Variants in ZSWIM2 observed in about 807,000 individuals in gnomAD.
ZSWIM2 encodes zinc finger SWIM-type containing 2.
In ZSWIM2, 38 loss-of-function variants were observed where a neutral mutation model predicts 48.4. The observed-to-expected ratio is 0.79, with a 90% CI of 0.61 to 1.03. ZSWIM2 has a LOEUF of 1.03. Among genes scored for constraint, ZSWIM2 ranks in the 50% least tolerant of loss-of-function variants. The pLI is 0.00. For synonymous variants in ZSWIM2, 240 were observed against 251.3 expected, an observed-to-expected ratio of 0.96 and a Z score of 0.42; for missense variants, 776 against 730.2, an observed-to-expected ratio of 1.06 and a Z score of -0.72.
chr2:186,846,839 C>A, intron 2 of ZSWIM2, among the ~76,000 whole-genome samples: 1 of 130,704 alleles, frequency 7.7e-6, no homozygotes, highest in African/African-American at 3.4e-5. Flanking sequence ...TGTAATAGAA[C>A]TCAGCCATAA....
intron 5 of ZSWIM2, among the ~76,000 whole-genome samples, chr2:186,835,029 CCT>C (rs1691769227): frequency 1.3e-5 from 2 of 152,146 alleles, no homozygotes; most frequent in African/African-American, 4.8e-5. Context: ...CTTTCATTTA[CCT>C]CTTTCTCTAC....
intron 7 of ZSWIM2, among the ~76,000 whole-genome samples, chr2:186,830,662 G>T (rs1253308830): frequency 6.6e-6 from 1 of 150,618 alleles, no homozygotes; most frequent in Non-Finnish European, 1.5e-5. Flanking sequence ...TTCATCTGGG[G>T]TATATTCTTA....
chr2:186,834,741 T>C (rs2105817711), intron 5 of ZSWIM2, among the ~76,000 whole-genome samples: 1 of 152,278 alleles, frequency 6.6e-6, no homozygotes, highest in East Asian at 1.9e-4. Flanking sequence ...ACAAACAACG[T>C]AGCATCTCTC....
chr2:186,841,004 A>C (rs910374197), intron 3 of ZSWIM2, among the ~76,000 whole-genome samples: 3 of 151,550 alleles, frequency 2.0e-5, no homozygotes, highest in Non-Finnish European at 4.4e-5. Flanking sequence ...TTTTATTTGC[A>C]TCAAAGGCAA....
rs1691620980 is a variant in ZSWIM2 at position 186,827,670 on chromosome 2, G to T, written c.*314C>A. Among the ~76,000 whole-genome samples the T allele has an allele frequency of 6.6e-6, 1 of 151,738 alleles. No individual in the cohort carries two copies. Among genetic ancestry groups the T allele is most frequent in the African/African-American group, 2.4e-5 (1 of 41,336 alleles). ...ACCGTGAAAAATATTTGAAAACAGTGACTCAAAGTAGGAAAAATCTATTTC... is the reference window on the plus strand; with the variant it reads ...ACCGTGAAAAATATTTGAAAACAGTTACTCAAAGTAGGAAAAATCTATTTC... On this transcript the variant is annotated 3_prime_UTR_variant, in exon 9 of 9. Transcript: ENST00000295131.
At chr2:186,830,587 G>A (rs1374444923) in intron 7 of ZSWIM2, among the ~76,000 whole-genome samples, 2 of 152,036 alleles carry the variant, frequency 1.3e-5, no homozygotes, top group East Asian at 3.9e-4. Flanking sequence ...GGTATGGTAA[G>A]CCACATTAAA....
rs781414422 is a variant in ZSWIM2, at chr2:186,828,480, TTATC to T, written c.1402_1405del (p.Asp468IlefsTer7). The T allele has an allele frequency of 8.7e-6, 14 of 1,613,452 alleles. No homozygotes were observed. The highest frequency in any genetic ancestry group is 1.2e-5 in the Non-Finnish European group (14 of 1,179,678). On this transcript the variant is annotated frameshift_variant, in exon 9 of 9. Transcript: ENST00000295131. LOFTEE classifies it low-confidence loss of function (END_TRUNC). ...ATTATCTAATTTGATAGAGCATAGA[TTATC>T]TATTGTTGTATTTTCATAGGCATCT... is the stretch of plus-strand genomic sequence containing the variant.
At chr2:186,843,506 G>T (rs1691944972) in intron 3 of ZSWIM2, among the ~76,000 whole-genome samples, 1 of 151,526 alleles carries the variant, frequency 6.6e-6, no homozygotes, top group African/African-American at 2.4e-5. Context: ...AGAAACACTT[G>T]AGAAATATGT....
chr2:186,839,489 T>C (rs1691864709), intron 3 of ZSWIM2, among the ~76,000 whole-genome samples: 1 of 151,778 alleles, frequency 6.6e-6, no homozygotes, highest in South Asian at 2.1e-4. Flanking sequence ...TGTTCACTAG[T>C]CCATAAACAA....
At chr2:186,834,109 A>C in intron 5 of ZSWIM2, 79 bp from the exon 6 acceptor site, 2 of 1,052,012 alleles carry the variant, frequency 1.9e-6, no homozygotes, top group Non-Finnish European at 1.4e-6. Flanking sequence ...AATTCTGACC[A>C]AAACTTCCTG....
chr2:186,837,570 T>G lies in ZSWIM2; in HGVS notation c.495-16A>C, dbSNP rs374066919. 1.3e-6 allele frequency: 2 copies of G among 1,598,902 alleles called. No homozygotes were observed. The highest frequency in any genetic ancestry group is 2.7e-5 in the African/African-American group (2 of 74,050). ...ACAGCCAAACCTATGAGAGATAAAATTGAAGTTTACCATTTGTATAGAGCA... is the reference window on the plus strand; with the variant it reads ...ACAGCCAAACCTATGAGAGATAAAAGTGAAGTTTACCATTTGTATAGAGCA... On this transcript the variant is annotated splice_polypyrimidine_tract_variant and intron_variant, in intron 4 of 8. Transcript: ENST00000295131.
rs1691817469 is a variant in ZSWIM2 at position 186,837,610 on chromosome 2, T to TTG, written c.495-58_495-57dup. ...TGTATAGAGCAGTTTTACATATCCA[T>TTG]TGTATATATATATATATATTATATA... On this transcript the variant is annotated intron_variant, in intron 4 of 8. Coordinates refer to ENST00000295131, the MANE Select transcript of ZSWIM2 (RefSeq NM_182521.3). 14 of 751,946 alleles carry TTG rather than the reference T, an allele frequency of 1.9e-5. 1 individual carries two copies. In the African/African-American group the frequency reaches 3.1e-4, roughly 17 times the overall value. 46.6% of individuals were successfully genotyped at this position (751,946 alleles called of 1,614,324 possible).
intron 2 of ZSWIM2, 105 bp downstream of exon 2, chr2:186,847,614 C>T: frequency 2.9e-6 from 2 of 697,964 alleles, no homozygotes; most frequent in Admixed American, 3.1e-5. Context: ...TCCCCAAACA[C>T]CAAATTTCTT....
Position 186,837,614 on chromosome 2 carries a change from A to G in ZSWIM2, c.495-60T>C, listed in dbSNP as rs552256591. On this transcript the variant is annotated intron_variant, in intron 4 of 8. Transcript: ENST00000295131. ...TAGAGCAGTTTTACATATCCATTGTATATATATATATATATTATATATATA... is the reference window on the plus strand; with the variant it reads ...TAGAGCAGTTTTACATATCCATTGTGTATATATATATATATTATATATATA... 4.3e-3 allele frequency: 711 copies of G among 164,454 alleles called. 36 individuals carry two copies. Among genetic ancestry groups the G allele is most frequent in the African/African-American group, 0.028 (520 of 18,830 alleles). 10.2% of individuals were successfully genotyped at this position (164,454 alleles called of 1,614,324 possible).
At chr2:186,831,968 T>C in intron 7 of ZSWIM2, among the ~76,000 whole-genome samples, 1 of 152,120 alleles carries the variant, frequency 6.6e-6, no homozygotes, top group East Asian at 1.9e-4. Flanking sequence ...GGCACATGTA[T>C]ACATATGTAA....
intron 8 of ZSWIM2, 110 bp downstream of exon 8, chr2:186,829,617 A>G: frequency 9.6e-7 from 1 of 1,046,448 alleles, no homozygotes; most frequent in Non-Finnish European, 1.4e-6. Flanking sequence ...CAATGTGAAC[A>G]CCTCTGTACA....
chr2:186,832,036 G>C (rs564965250), intron 7 of ZSWIM2, among the ~76,000 whole-genome samples: 2 of 151,882 alleles, frequency 1.3e-5, no homozygotes, highest in Admixed American at 1.3e-4. Flanking sequence ...ATAAAAAAAA[G>C]TTGTCTCTTT....
At chr2:186,847,262 G>C (rs1266581945) in intron 2 of ZSWIM2, among the ~76,000 whole-genome samples, 1 of 152,020 alleles carries the variant, frequency 6.6e-6, no homozygotes. Flanking sequence ...AAACTTGACT[G>C]CCATAGGCCA....
At position 186,847,775 on chromosome 2, in the gene ZSWIM2, G is replaced by A. The variant is rs1394669315; in HGVS notation, c.186C>T (p.His62=). The change falls in exon 2 of 9, where the codon CAC becomes CAT. Residue 62 remains histidine, a synonymous_variant. Transcript: ENST00000295131. ...TCGGAAATGTGGAACAGTTACAAACGTGAGGATTTCCTAGAAAAACCTTTA... is the reference window on the plus strand; with the variant it reads ...TCGGAAATGTGGAACAGTTACAAACATGAGGATTTCCTAGAAAAACCTTTA... ...MDFRVFLGNP[H]VCNCSTFPKG... 6.2e-7 allele frequency: 1 copy of A among 1,605,492 alleles called. No individual in the cohort carries two copies. The highest frequency in any genetic ancestry group is 8.5e-7 in the Non-Finnish European group (1 of 1,175,470).
Sources: allele counts gnomAD v4.1 joint callset (sites outside exome capture counted in the v4.1 genomes callset), GRCh38; gene constraint gnomAD v4.1.1; transcripts MANE v1.5; gene names NCBI Gene and HGNC (gene_info 2026-07-23, HGNC 2026-07-21).